The following FHIT variants were observed in gnomAD, a reference collection of about 807,000 sequenced individuals.
FHIT encodes bis(5'-adenosyl)-triphosphatase.
A neutral mutation model predicts 17.9 loss-of-function variants in FHIT; 19 were observed. The observed-to-expected ratio is 1.06, with a 90% CI of 0.74 to 1.56. The LOEUF is 1.56. Among genes scored for constraint, FHIT ranks in the 40% most tolerant of loss-of-function variants. The pLI is 0.00. For missense variants in FHIT, 248 were observed against 189.2 expected, an observed-to-expected ratio of 1.31 and a Z score of -1.82; for synonymous variants, 81 against 69.7, an observed-to-expected ratio of 1.16 and a Z score of -0.81.
chr3:60,471,696 T>C (rs1415489176), intron 5 of FHIT, among the ~76,000 whole-genome samples: 1 of 152,064 alleles, frequency 6.6e-6, no homozygotes, highest in East Asian at 1.9e-4. Context: ...CCTGGTCTTT[T>C]GTTCTTATGA....
chr3:60,365,205 G>C (rs1700058791), intron 5 of FHIT, among the ~76,000 whole-genome samples: 1 of 150,072 alleles, frequency 6.7e-6, no homozygotes, highest in African/African-American at 2.4e-5. Context: ...CTAAAATTGG[G>C]ATCTTTCTGG....
intron 5 of FHIT, among the ~76,000 whole-genome samples, chr3:60,518,012 TGGTG>T (rs2096884297): frequency 6.6e-6 from 1 of 152,188 alleles, no homozygotes; most frequent in Admixed American, 6.5e-5. Context: ...ATGAACTTGT[TGGTG>T]ATAGTGGACT....
At chr3:59,800,546 G>T (rs989945772) in intron 8 of FHIT, among the ~76,000 whole-genome samples, 1 of 152,184 alleles carries the variant, frequency 6.6e-6, no homozygotes, top group Admixed American at 6.5e-5. Context: ...TTTTCAAAAT[G>T]AGTTTAAAGC....
chr3:60,117,016 G>A (rs182625995), intron 5 of FHIT, among the ~76,000 whole-genome samples: 2 of 152,070 alleles, frequency 1.3e-5, no homozygotes, highest in African/African-American at 2.4e-5. Flanking sequence ...ACATCTTCTA[G>A]GGAGATCCAC....
intron 2 of FHIT, among the ~76,000 whole-genome samples, chr3:61,123,603 G>T (rs2036525169): frequency 6.6e-6 from 1 of 152,090 alleles, no homozygotes; most frequent in African/African-American, 2.4e-5. Context: ...AAATACATTA[G>T]AAGAAGCAGA....
At chr3:60,993,272 T>C (rs2030403796) in intron 3 of FHIT, among the ~76,000 whole-genome samples, 1 of 152,250 alleles carries the variant, frequency 6.6e-6, no homozygotes, top group Non-Finnish European at 1.5e-5. Flanking sequence ...ATTGATTGCC[T>C]TTAGTCTTCG....
At chr3:60,078,667 T>C (rs1209923918) in intron 5 of FHIT, among the ~76,000 whole-genome samples, 9 of 152,180 alleles carry the variant, frequency 5.9e-5, no homozygotes, top group Non-Finnish European at 1.2e-4. Flanking sequence ...AATTACACTA[T>C]GTTTTTCTAA....
At chr3:60,660,134 A>G (rs1451692847) in intron 4 of FHIT, among the ~76,000 whole-genome samples, 1 of 151,766 alleles carries the variant, frequency 6.6e-6, no homozygotes, top group African/African-American at 2.4e-5. Context: ...AGGGGAAAAG[A>G]AAAAAAATGA....
intron 3 of FHIT, among the ~76,000 whole-genome samples, chr3:60,866,002 A>C (rs533462765): frequency 4.6e-4 from 70 of 152,224 alleles, no homozygotes; most frequent in African/African-American, 1.6e-3. Context: ...GACTCGGGGA[A>C]GCATTCAACA....
chr3:60,098,580 A>G (rs1030317469), intron 5 of FHIT, among the ~76,000 whole-genome samples: 1 of 151,810 alleles, frequency 6.6e-6, no homozygotes, highest in African/African-American at 2.4e-5. Flanking sequence ...TTTTTCTTGT[A>G]AATTTGTTTG....
intron 7 of FHIT, among the ~76,000 whole-genome samples, chr3:59,946,691 A>G (rs1359062139): frequency 6.6e-6 from 1 of 152,152 alleles, no homozygotes; most frequent in African/African-American, 2.4e-5. Flanking sequence ...CATTCTTCCA[A>G]TGCCTAGTTT....
intron 3 of FHIT, among the ~76,000 whole-genome samples, chr3:60,875,131 ACTCTGGCCCTTG>A (rs1262111068): frequency 6.6e-6 from 1 of 152,048 alleles, no homozygotes; most frequent in Non-Finnish European, 1.5e-5. Context: ...CTAGGAATAA[ACTCTGGCCCTTG>A]CTGGCTTCTT....
chr3:59,911,416 T>C (rs980142860), intron 8 of FHIT, among the ~76,000 whole-genome samples: 7 of 152,184 alleles, frequency 4.6e-5, no homozygotes, highest in Admixed American at 1.3e-4. Flanking sequence ...AAGGTGTGTG[T>C]TGACCAGCCT....
intron 5 of FHIT, among the ~76,000 whole-genome samples, chr3:60,441,770 T>TTATATATATATAAATATATATATATATA: frequency 2.3e-5 from 1 of 42,586 alleles, no homozygotes; most frequent in Admixed American, 3.3e-4. Flanking sequence ...ATATATATAT[T>TTATATATATATAAATATATATATATATA]TATATGTATA....
intron 5 of FHIT, among the ~76,000 whole-genome samples, chr3:60,395,912 C>T (rs1701421628): frequency 6.6e-6 from 1 of 151,998 alleles, no homozygotes; most frequent in African/African-American, 2.4e-5. Context: ...GCTTAGATTC[C>T]ATCCTTAAAA....
intron 5 of FHIT, among the ~76,000 whole-genome samples, chr3:60,040,424 A>C (rs1258393788): frequency 6.6e-6 from 1 of 152,110 alleles, no homozygotes; most frequent in African/African-American, 2.4e-5. Flanking sequence ...GATTACAGGC[A>C]TGAGCCACCG....
rs114197701 is a variant in FHIT, at chr3:60,248,799, C to T, written c.104-234647G>A. The stretch of plus-strand genomic sequence containing the variant: ...AAAAACAGCAGGTGCTAGAAGGGCG[C>T]TGTGACTCACCCCTTTTTCTTCCCG... On this transcript the variant is annotated intron_variant, in intron 5 of 9. Transcript: ENST00000492590. 5.0e-3 allele frequency among the ~76,000 whole-genome samples: 755 copies of T among 152,238 alleles called. 6 individuals carry two copies. Among genetic ancestry groups the T allele is most frequent in the Middle Eastern group, 0.027 (8 of 294 alleles).
intron 4 of FHIT, among the ~76,000 whole-genome samples, chr3:60,796,035 C>T (rs1303153192): frequency 6.6e-6 from 1 of 152,042 alleles, no homozygotes; most frequent in Non-Finnish European, 1.5e-5. Context: ...ATGGTGGCAG[C>T]AAGAGAAAAT....
intron 5 of FHIT, among the ~76,000 whole-genome samples, chr3:60,462,402 C>A (rs1250018172): frequency 1.3e-5 from 2 of 152,096 alleles, no homozygotes; most frequent in Non-Finnish European, 1.5e-5. Flanking sequence ...AACCACTCAA[C>A]CCTACCTCCT....
Sources: allele counts gnomAD v4.1 joint callset (sites outside exome capture counted in the v4.1 genomes callset), GRCh38; gene constraint gnomAD v4.1.1; transcripts MANE v1.5; gene names NCBI Gene and HGNC (gene_info 2026-07-23, HGNC 2026-07-21).